CAPRIN1: variants seen among roughly 807,000 people sequenced by gnomAD.
The protein encoded by CAPRIN1 is caprin-1.
A neutral mutation model predicts 100.9 loss-of-function variants in CAPRIN1; 29 were observed. The observed-to-expected ratio is 0.29, with a 90% confidence interval of 0.21 to 0.39. The LOEUF is 0.39. Among genes scored for constraint, CAPRIN1 ranks in the 10% least tolerant of loss-of-function variants. The pLI, the probability that CAPRIN1 is intolerant of heterozygous loss-of-function variation, is 1.00. For synonymous variants in CAPRIN1, 338 were observed against 307.5 expected, an observed-to-expected ratio of 1.10 and a Z score of -1.04; for missense variants, 795 against 876.7, an observed-to-expected ratio of 0.91 and a Z score of 1.18.
intron 4 of CAPRIN1, among the ~76,000 whole-genome samples, chr11:34,075,521 C>T (rs1850889057): frequency 6.6e-6 from 1 of 152,204 alleles, no homozygotes; most frequent in African/African-American, 2.4e-5. Context: ...TCTCCACCAG[C>T]ATCATCTTAT....
At chr11:34,071,828 C>T in intron 3 of CAPRIN1, 40 bp downstream of exon 3, 2 of 1,584,358 alleles carry the variant, frequency 1.3e-6, no homozygotes, top group Non-Finnish European at 1.7e-6. Flanking sequence ...CTAATGCTCA[C>T]TATTTTAAAG....
intron 12 of CAPRIN1, 77 bp from the exon 13 acceptor site, chr11:34,090,102 G>A (rs190845933): frequency 6.2e-5 from 48 of 775,734 alleles, no homozygotes; most frequent in South Asian, 2.7e-4. Context: ...AGCCTTATGC[G>A]TCTTAGAGGT....
intron 2 of CAPRIN1, among the ~76,000 whole-genome samples, chr11:34,058,823 T>G (rs1850512214): frequency 6.6e-6 from 1 of 152,208 alleles, no homozygotes; most frequent in South Asian, 2.1e-4. Flanking sequence ...TCCAGCTTGG[T>G]ATGTTGTAGA....
rs199626551 is a variant in CAPRIN1 at position 34,090,280 on chromosome 11, T to A, written c.1395T>A (p.Asp465Glu). 6.2e-5 allele frequency: 100 copies of A among 1,612,024 alleles called. No individual in the cohort carries two copies. Among genetic ancestry groups the A allele is most frequent in the Non-Finnish European group, 8.5e-5 (100 of 1,178,120 alleles). ...TEQRPQKEPI[D>E]QIQATISLNT... ...AACGACCACAGAAGGAACCAATTGA[T>A]CAGATTCAGGCAAGTTCTGTTACCG... The change falls in exon 13 of 19, where the codon GAT (aspartate) becomes GAA (glutamate). Residue 465 changes from aspartate to glutamate, a missense_variant. Asp to Glu is a conservative substitution (Grantham distance 45). Around this residue, in one of 3 missense-constraint regions of CAPRIN1, gnomAD observed 648 missense variants for 697.9 expected, o/e 0.93. Coordinates refer to ENST00000341394, the MANE Select transcript of CAPRIN1 (RefSeq NM_005898.5).
intron 15 of CAPRIN1, among the ~76,000 whole-genome samples, chr11:34,093,224 CTCTG>C (rs199559954): frequency 0.015 from 2,178 of 149,770 alleles, 128 homozygotes; most frequent in Admixed American, 0.1. Context: ...GAAATGGGGT[CTCTG>C]TCTGTTGCCC....
rs562770735 is a variant in CAPRIN1, at chr11:34,078,839, C to G, written c.689-789C>G. On this transcript the variant is annotated intron_variant, in intron 6 of 18. Transcript: ENST00000341394. The stretch of plus-strand genomic sequence containing the variant: ...TGGATTTCAACTCTTGTAGCACTTA[C>G]CTAGGGAAACCTTTTGTGGCCTCAC... 2.0e-5 allele frequency among the ~76,000 whole-genome samples: 3 copies of G among 152,276 alleles called. No individual in the cohort carries two copies. In the South Asian group the frequency reaches 6.2e-4, roughly 32 times the overall value.
At chr11:34,081,912 A>G (rs1851039509) in intron 7 of CAPRIN1, among the ~76,000 whole-genome samples, 1 of 152,134 alleles carries the variant, frequency 6.6e-6, no homozygotes, top group South Asian at 2.1e-4. Context: ...CCCGGGTTCA[A>G]GCGATTCTCA....
intron 11 of CAPRIN1, among the ~76,000 whole-genome samples, chr11:34,086,784 G>A (rs747846756): frequency 6.6e-6 from 1 of 152,064 alleles, no homozygotes; most frequent in Non-Finnish European, 1.5e-5. Context: ...AACCACTTCC[G>A]TACTTGTAAC....
rs752106119 is a variant in CAPRIN1, at chr11:34,101,784, C to T, written c.*2417C>T. Among the ~76,000 whole-genome samples the T allele has an allele frequency of 1.3e-5, 2 of 152,046 alleles. No homozygotes were observed. Among genetic ancestry groups the T allele is most frequent in the African/African-American group, 2.4e-5 (1 of 41,396 alleles). On this transcript the variant is annotated 3_prime_UTR_variant, in exon 19 of 19. Coordinates refer to ENST00000341394, the MANE Select transcript of CAPRIN1 (RefSeq NM_005898.5). The stretch of plus-strand genomic sequence containing the variant: ...TCTGTATAATATGTGATTGCTTGTC[C>T]TAGCTGCAGAAGGCCTTTTGTTTGG...
At chr11:34,083,657 C>T (rs1179404991) in intron 9 of CAPRIN1, among the ~76,000 whole-genome samples, 2 of 152,244 alleles carry the variant, frequency 1.3e-5, no homozygotes, top group African/African-American at 4.8e-5. Context: ...CCAACTGGTC[C>T]TGGCCTTCCT....
chr11:34,095,786 G>GA (rs1851358053), intron 15 of CAPRIN1: 1 of 152,186 alleles, frequency 6.6e-6, no homozygotes, highest in Non-Finnish European at 1.5e-5. Context: ...GTCCATTGTG[G>GA]ATGGAGCTTG....
intron 2 of CAPRIN1, among the ~76,000 whole-genome samples, chr11:34,054,214 C>T (rs763315068): frequency 6.8e-5 from 10 of 146,524 alleles, no homozygotes; most frequent in African/African-American, 1.2e-4. Flanking sequence ...ATTTCATGGA[C>T]TTGGGATTTC....
chr11:34,083,113 A>C lies in CAPRIN1; in HGVS notation c.966+72A>C, dbSNP rs1009361770. 7 of 1,011,716 alleles carry C rather than the reference A, an allele frequency of 6.9e-6. No individual in the cohort carries two copies. In the African/African-American group the frequency reaches 9.6e-5, roughly 14 times the overall value. 62.7% of individuals were successfully genotyped at this position (1,011,716 alleles called of 1,614,324 possible). The stretch of plus-strand genomic sequence containing the variant: ...GTAATTTTTATCTCTACTGAGAACA[A>C]ATTAAGATTGTTTTTTGCATTATTA... On this transcript the variant is annotated intron_variant, in intron 9 of 18. Transcript: ENST00000341394.
chr11:34,082,171 TAG>T (rs1851045690), intron 7 of CAPRIN1, among the ~76,000 whole-genome samples: 1 of 152,136 alleles, frequency 6.6e-6, no homozygotes, highest in Admixed American at 6.6e-5. Context: ...TTTCTAAAAA[TAG>T]ACTTTATTTT....
intron 2 of CAPRIN1, among the ~76,000 whole-genome samples, chr11:34,063,566 TG>T (rs1281917712): frequency 6.6e-6 from 1 of 152,224 alleles, no homozygotes; most frequent in Non-Finnish European, 1.5e-5. Flanking sequence ...CAGTACCACA[TG>T]ACTCTGACAT....
intron 2 of CAPRIN1, among the ~76,000 whole-genome samples, chr11:34,059,270 GTT>G (rs776890676): frequency 5.1e-5 from 7 of 137,442 alleles, no homozygotes; most frequent in Admixed American, 7.3e-5. Context: ...TCTTGACATT[GTT>G]TTTTTTTTTT....
rs779307332 is a variant in CAPRIN1 at position 34,097,314 on chromosome 11, A to G, written c.2001+18A>G. On this transcript the variant is annotated intron_variant, in intron 17 of 18. Transcript: ENST00000341394. ...ATCAACGGGTAGGTAAAGTAGTTCT[A>G]AAGTGTAAACCTGAACTAAATATAC... 4.5e-6 allele frequency: 7 copies of G among 1,539,628 alleles called. No individual in the cohort carries two copies. The highest frequency in any genetic ancestry group is 5.4e-6 in the Non-Finnish European group (6 of 1,112,348).
At chr11:34,092,113 G>A in intron 15 of CAPRIN1, 57 bp downstream of exon 15, 5 of 1,555,220 alleles carry the variant, frequency 3.2e-6, no homozygotes, top group South Asian at 1.2e-5. Flanking sequence ...GTTATTGACA[G>A]TGTTAGGACA....
chr11:34,080,696 G>C (rs1851011403), intron 7 of CAPRIN1, among the ~76,000 whole-genome samples: 1 of 152,206 alleles, frequency 6.6e-6, no homozygotes, highest in Admixed American at 6.5e-5. Context: ...GAATCAGAGT[G>C]CCTGAATTTA....
Sources: allele counts gnomAD v4.1 joint callset (sites outside exome capture counted in the v4.1 genomes callset), GRCh38; gene constraint gnomAD v4.1.1; regional missense constraint gnomAD v4.1.1; transcripts MANE v1.5; gene names NCBI Gene and HGNC (gene_info 2026-07-23, HGNC 2026-07-21).